The following CALN1 variants were observed in gnomAD, a reference collection of about 807,000 sequenced individuals.
CALN1 encodes the protein calneuron 1.
Under a neutral mutation model 30.6 loss-of-function variants are expected in CALN1, and 17 were observed. The ratio of observed to expected loss-of-function variants is 0.56; its 90% confidence interval spans 0.38 to 0.83. The LOEUF (loss-of-function observed/expected upper bound fraction) is 0.83. Ranked by LOEUF, CALN1 falls within the 40% of genes least tolerant of loss-of-function variation. CALN1 has a pLI of 0.00. For missense variants in CALN1, 291 were observed against 354.9 expected, an observed-to-expected ratio of 0.82 and a Z score of 1.45; for synonymous variants, 156 against 131.4, an observed-to-expected ratio of 1.19 and a Z score of -1.28.
At chr7:72,005,716 T>C (rs1481393729) in intron 5 of CALN1, among the ~76,000 whole-genome samples, 1 of 152,080 alleles carries the variant, frequency 6.6e-6, no homozygotes, top group African/African-American at 2.4e-5. Context: ...AATTACATAG[T>C]ATGTGACTCC....
intron 3 of CALN1, among the ~76,000 whole-genome samples, chr7:72,237,222 G>A (rs1430757219): frequency 6.6e-6 from 1 of 152,066 alleles, no homozygotes; most frequent in Non-Finnish European, 1.5e-5. Flanking sequence ...GACCTCAGGT[G>A]ATCCGCCCGG....
chr7:72,353,429 T>G (rs1423061325), intron 2 of CALN1, among the ~76,000 whole-genome samples: 1 of 152,132 alleles, frequency 6.6e-6, no homozygotes, highest in Non-Finnish European at 1.5e-5. Context: ...AATCTTAAAT[T>G]CTAAAAGATG....
intron 4 of CALN1, among the ~76,000 whole-genome samples, chr7:72,026,516 C>T (rs939964942): frequency 1.3e-5 from 2 of 151,860 alleles, no homozygotes; most frequent in African/African-American, 4.8e-5. Context: ...ACCCAGGAGG[C>T]AGAGGTTGCA....
At chr7:72,272,022 A>G (rs1032575927) in intron 3 of CALN1, among the ~76,000 whole-genome samples, 20 of 149,522 alleles carry the variant, frequency 1.3e-4, no homozygotes, top group African/African-American at 4.9e-4. Context: ...AGATCGTGCC[A>G]CCGCACTCCA....
intron 5 of CALN1, among the ~76,000 whole-genome samples, chr7:71,920,327 GTT>G (rs1406681334): frequency 4.7e-5 from 6 of 127,434 alleles, no homozygotes; most frequent in African/African-American, 1.6e-4. Flanking sequence ...GGACAAATTA[GTT>G]CTTTTTTTTT....
At chr7:72,075,141 G>A (rs1023051824) in intron 4 of CALN1, among the ~76,000 whole-genome samples, 4 of 152,176 alleles carry the variant, frequency 2.6e-5, no homozygotes, top group Non-Finnish European at 5.9e-5. Context: ...GGCAGGAGGA[G>A]CTCTCTCTAA....
Position 71,986,710 on chromosome 7 carries a change from T to C in CALN1, c.501+36947A>G, listed in dbSNP as rs1023744810. Among the ~76,000 whole-genome samples the C allele has an allele frequency of 3.9e-5, 6 of 152,236 alleles. No homozygotes were observed. In the East Asian group the frequency reaches 1.2e-3, roughly 29 times the overall value. ...ACAGATCTACAATATTTCACCTCTT[T>C]AGAAATTCTGAAGCAAATGCTGCAT... On this transcript the variant is annotated intron_variant, in intron 5 of 6. Transcript: ENST00000395275.
intron 5 of CALN1, among the ~76,000 whole-genome samples, chr7:71,969,298 T>C (rs1222835973): frequency 6.6e-6 from 1 of 151,972 alleles, no homozygotes; most frequent in Non-Finnish European, 1.5e-5. Context: ...GTGTCTGACA[T>C]GCATTCTCGG....
At chr7:72,455,651 G>A in the CALN1 span, among the ~76,000 whole-genome samples, 1 of 152,044 alleles carries the variant, frequency 6.6e-6, no homozygotes, top group African/African-American at 2.4e-5. Flanking sequence ...ACATGGAGGA[G>A]GCTCCTGAGA....
At chr7:72,402,071 C>G (rs1806378900) in intron 2 of CALN1, among the ~76,000 whole-genome samples, 1 of 152,186 alleles carries the variant, frequency 6.6e-6, no homozygotes, top group African/African-American at 2.4e-5. Context: ...CTTCCTTGCT[C>G]TTCCTTGCTC....
intron 2 of CALN1, among the ~76,000 whole-genome samples, chr7:72,393,966 G>C (rs760975285): frequency 1.4e-4 from 21 of 152,124 alleles, no homozygotes; most frequent in Non-Finnish European, 3.1e-4. Context: ...TCAAGTTGTG[G>C]CATGTTTTAT....
chr7:72,406,457 G>A (rs1435434939), intron 1 of CALN1, among the ~76,000 whole-genome samples: 7 of 152,088 alleles, frequency 4.6e-5, no homozygotes, highest in African/African-American at 1.4e-4. Flanking sequence ...ATTCCTAAGG[G>A]TGATTAATTT....
At chr7:72,246,192 T>C (rs1399612575) in intron 3 of CALN1, among the ~76,000 whole-genome samples, 2 of 152,212 alleles carry the variant, frequency 1.3e-5, no homozygotes, top group Non-Finnish European at 2.9e-5. Context: ...GACCTCTGGA[T>C]CATCAAACCC....
At chr7:72,442,904 T>A (rs1808399405) in intron 1 of CALN1, among the ~76,000 whole-genome samples, 1 of 152,126 alleles carries the variant, frequency 6.6e-6, no homozygotes, top group Non-Finnish European at 1.5e-5. Flanking sequence ...TTGTGCTTAT[T>A]TAGGATTGCA....
intron 5 of CALN1, among the ~76,000 whole-genome samples, chr7:71,999,998 A>G (rs909211260): frequency 1.3e-5 from 2 of 152,192 alleles, no homozygotes; most frequent in African/African-American, 2.4e-5. Flanking sequence ...TGGAAAATTA[A>G]TAACACGCTG....
intron 2 of CALN1, among the ~76,000 whole-genome samples, chr7:72,366,293 C>T (rs994697670): frequency 6.6e-6 from 1 of 152,092 alleles, no homozygotes; most frequent in African/African-American, 2.4e-5. Context: ...CCTGCCTCAG[C>T]CTCCCAAGTA....
chr7:72,179,610 G>A (rs887206591), intron 3 of CALN1, among the ~76,000 whole-genome samples: 3 of 152,080 alleles, frequency 2.0e-5, no homozygotes, highest in Admixed American at 6.5e-5. Flanking sequence ...ATATATATGT[G>A]TAACTTCATA....
At chr7:71,789,876 G>T (rs1562778938) in intron 6 of CALN1, among the ~76,000 whole-genome samples, 1 of 151,850 alleles carries the variant, frequency 6.6e-6, no homozygotes, top group Non-Finnish European at 1.5e-5. Context: ...CAGGAGGATT[G>T]CTTGAAGCCA....
At position 72,323,678 on chromosome 7, in the gene CALN1, A is replaced by AT. The variant is rs1278332923; in HGVS notation, c.120-44869_120-44868insA. Among the ~76,000 whole-genome samples the AT allele has an allele frequency of 7.8e-3, 845 of 108,836 alleles. 13 individuals are homozygous for AT. Among genetic ancestry groups the AT allele is most frequent in the African/African-American group, 0.02 (737 of 37,148 alleles). The allele number at this position is 108,836 out of a possible 152,430, so 71.4% of individuals were successfully genotyped here. A position where few individuals can be genotyped will look rare whatever the true frequency, so the allele number is the denominator to read the frequency against. ...CTCCATCTCAAAAAAAAAAAAATAA[A>AT]AAATAAAGAGAACAAAAAGAGAAAG... On this transcript the variant is annotated intron_variant, in intron 2 of 6. Coordinates refer to ENST00000395275, the MANE Select transcript of CALN1 (RefSeq NM_031468.4).
Sources: gnomAD v4.1 joint callset for allele counts (sites outside exome capture counted in the v4.1 genomes callset) on GRCh38, gnomAD v4.1.1 for gene constraint, MANE v1.5 for transcripts, NCBI Gene and HGNC (gene_info 2026-07-23, HGNC 2026-07-21) for gene names.